FNBP1: variants seen among roughly 807,000 people sequenced by gnomAD.
FNBP1 encodes formin binding protein 1.
Under a neutral mutation model 90.6 loss-of-function variants are expected in FNBP1, and 26 were observed. That is an observed-to-expected ratio of 0.29 (90% CI 0.21 to 0.40). The LOEUF is 0.40. FNBP1 is among the 10% of genes least tolerant of loss of function. The pLI is 1.00. For synonymous variants in FNBP1, 260 were observed against 265.2 expected (o/e 0.98, Z 0.19); for missense variants, 635 against 768.0 (o/e 0.83, Z 2.05).
chr9:129,971,269 A>G (rs887330678), intron 4 of FNBP1, among the ~76,000 whole-genome samples: 11 of 152,160 alleles, frequency 7.2e-5, no homozygotes, highest in African/African-American at 2.7e-4. Context: ...AACAATGGAT[A>G]TTCATAACAT....
At chr9:129,892,688 T>C (rs548306433) in intron 16 of FNBP1, among the ~76,000 whole-genome samples, 2 of 152,340 alleles carry the variant, frequency 1.3e-5, no homozygotes, top group Non-Finnish European at 1.5e-5. Flanking sequence ...TAATAAAGTA[T>C]ACTTTGGGTG....
At chr9:129,963,269 AGGCATTGCCT>A (rs1321815893) in intron 4 of FNBP1, among the ~76,000 whole-genome samples, 1 of 152,168 alleles carries the variant, frequency 6.6e-6, no homozygotes, top group African/African-American at 2.4e-5. Context: ...AGACAATGAC[AGGCATTGCCT>A]GGGACATGTC....
At chr9:129,896,408 A>T (rs2035756392) in intron 15 of FNBP1, among the ~76,000 whole-genome samples, 1 of 151,948 alleles carries the variant, frequency 6.6e-6, no homozygotes, top group Non-Finnish European at 1.5e-5. Context: ...TGGGGGATGG[A>T]GTCTTGCTCT....
intron 4 of FNBP1, among the ~76,000 whole-genome samples, chr9:129,967,370 G>A (rs2048778911): frequency 6.6e-6 from 1 of 152,176 alleles, no homozygotes; most frequent in Non-Finnish European, 1.5e-5. Flanking sequence ...ACAAAAATTA[G>A]CCAGGCGTGG....
At chr9:129,953,386 A>G (rs2046448345) in intron 6 of FNBP1, among the ~76,000 whole-genome samples, 1 of 152,088 alleles carries the variant, frequency 6.6e-6, no homozygotes, top group Admixed American at 6.6e-5. Context: ...AGGACTAGGG[A>G]GGCTGAGGCA....
At chr9:130,039,635 C>G (rs1026106361) in intron 1 of FNBP1, among the ~76,000 whole-genome samples, 9 of 143,978 alleles carry the variant, frequency 6.3e-5, no homozygotes, top group Admixed American at 3.5e-4. Flanking sequence ...AAGATCGTGA[C>G]AGTGCACTCC....
chr9:130,004,804 G>A (rs2055411221), intron 1 of FNBP1, among the ~76,000 whole-genome samples: 1 of 152,096 alleles, frequency 6.6e-6, no homozygotes, highest in African/African-American at 2.4e-5. Context: ...GGTGGCTCAC[G>A]CCTGTAATCC....
In FNBP1 at chr9:129,957,104, C is replaced by A. The variant is rs1308424074; in HGVS notation, c.513+256G>T. On this transcript the variant is annotated intron_variant, in intron 6 of 16. Coordinates refer to ENST00000446176, the MANE Select transcript of FNBP1 (RefSeq NM_015033.3). The surrounding 1 kb of genome is among the most constrained non-coding windows in gnomAD (Gnocchi z 4.3). ...CCAGGCTGGAGTGCAGTGGCGTGAT[C>A]TTGGCTCACTGCAGCCAACGCCTCC... is the stretch of plus-strand genomic sequence containing the variant. Among the ~76,000 whole-genome samples the A allele has an allele frequency of 6.7e-6, 1 of 149,184 alleles. No individual in the cohort carries two copies. The highest frequency in any genetic ancestry group is 2.5e-5 in the African/African-American group (1 of 40,354).
chr9:129,893,568 G>GT (rs2035319819), intron 16 of FNBP1, among the ~76,000 whole-genome samples: 1 of 122,592 alleles, frequency 8.2e-6, no homozygotes, highest in Admixed American at 1.1e-4. Context: ...AGCCAGGATT[G>GT]TATCATTGCC....
At chr9:130,006,436 A>G (rs2055708198) in intron 1 of FNBP1, among the ~76,000 whole-genome samples, 1 of 152,222 alleles carries the variant, frequency 6.6e-6, no homozygotes. Context: ...CGGAGGTTGC[A>G]GTGAGCTGAG....
chr9:130,053,849 C>G, the FNBP1 span: 1 of 1,350,878 alleles, frequency 7.4e-7, no homozygotes, highest in Middle Eastern at 2.6e-4. Context: ...CGCCGAGCCC[C>G]GCTCCCCGGG....
intron 1 of FNBP1, among the ~76,000 whole-genome samples, chr9:130,026,319 C>T (rs1433673954): frequency 2.6e-5 from 4 of 151,972 alleles, no homozygotes; most frequent in African/African-American, 9.7e-5. Context: ...TGTGGCAAAA[C>T]CCCGTTTCTA....
chr9:130,049,482 G>T, the FNBP1 span, among the ~76,000 whole-genome samples: 1 of 152,134 alleles, frequency 6.6e-6, no homozygotes, highest in Non-Finnish European at 1.5e-5. Flanking sequence ...GGGAGGTGAA[G>T]GTTGGAGGAC....
chr9:129,901,187 C>G (rs988856152), intron 13 of FNBP1, among the ~76,000 whole-genome samples: 1 of 151,926 alleles, frequency 6.6e-6, no homozygotes, highest in Non-Finnish European at 1.5e-5. Context: ...GGGTGAATCA[C>G]TTCAGGTTGG....
intron 6 of FNBP1, among the ~76,000 whole-genome samples, chr9:129,942,866 T>G: frequency 3.6e-5 from 4 of 112,274 alleles, no homozygotes; most frequent in Admixed American, 1.1e-4. Context: ...CTGAGATTGG[T>G]TGGGGTGGGG....
At chr9:129,970,853 G>C (rs1244008638) in intron 4 of FNBP1, among the ~76,000 whole-genome samples, 1 of 152,068 alleles carries the variant, frequency 6.6e-6, no homozygotes, top group African/African-American at 2.4e-5. Context: ...TTGCAGGGGA[G>C]AAAGGTTCTC....
intron 11 of FNBP1, 164 bp from the exon 12 acceptor site, chr9:129,909,163 T>A: frequency 3.0e-6 from 2 of 662,914 alleles, no homozygotes; most frequent in Admixed American, 4.7e-5. Context: ...CAAAAATCAA[T>A]GCATGCAAAC....
At position 129,915,948 on chromosome 9, in the gene FNBP1, T is replaced by A. The variant is rs757730372; in HGVS notation, c.1185+18A>T. 1 of 1,601,284 alleles carries A rather than the reference T, an allele frequency of 6.2e-7. No individual in the cohort carries two copies. On this transcript the variant is annotated intron_variant, in intron 11 of 16. Coordinates refer to ENST00000446176, the MANE Select transcript of FNBP1 (RefSeq NM_015033.3). ...AACCTGATTAGACTCAGGACATGCA[T>A]GGAACAATTGTGCTTACCAGCTTGA...
chr9:129,974,474 T>A (rs1199413463), intron 4 of FNBP1, among the ~76,000 whole-genome samples: 1 of 152,266 alleles, frequency 6.6e-6, no homozygotes, highest in African/African-American at 2.4e-5. Context: ...TCCAATATTA[T>A]TGGAATCATT....
Sources: allele counts gnomAD v4.1 joint callset (sites outside exome capture counted in the v4.1 genomes callset), GRCh38; gene constraint gnomAD v4.1.1; non-coding constraint Gnocchi (gnomAD v3.1); transcripts MANE v1.5; gene names NCBI Gene and HGNC (gene_info 2026-07-23, HGNC 2026-07-21).